Variants in GNG13 observed in about 807,000 individuals in gnomAD.
The protein encoded by GNG13 is guanine nucleotide-binding protein G(I)/G(S)/G(O) subunit gamma-13.
A neutral mutation model predicts 8.2 loss-of-function variants in GNG13; 12 were observed. The ratio of observed to expected loss-of-function variants is 1.47; its 90% CI spans 0.94 to 2.38. GNG13 has a LOEUF of 2.38. Among genes scored for constraint, GNG13 ranks in the 30% most tolerant of loss-of-function variants. The pLI is 0.00. For missense variants in GNG13, 100 were observed against 85.2 expected (o/e 1.17, Z -0.68); for synonymous variants, 45 against 33.0 (o/e 1.37, Z -1.25).
chr16:800,142 G>A (rs1009266614), intron 1 of GNG13, among the ~76,000 whole-genome samples: 5 of 152,138 alleles, frequency 3.3e-5, no homozygotes, highest in Non-Finnish European at 7.4e-5. Context: ...AGGCCGGGGA[G>A]CGAGCGGGGG....
Position 798,934 on chromosome 16 carries a change from G to A in GNG13, c.98+46C>T, listed in dbSNP as rs545174805. The A allele has an allele frequency of 1.5e-5, 21 of 1,378,228 alleles. No individual in the cohort carries two copies. In the East Asian group the frequency reaches 1.8e-4, roughly 12 times the overall value. 85.4% of individuals were successfully genotyped at this position (1,378,228 alleles called of 1,614,324 possible). On this transcript the variant is annotated intron_variant, in intron 2 of 2. Transcript: ENST00000248150. ...GTGGCTATGGAAATGAGCAGCCAGC[G>A]CAGGGCAGACAAATGAGAGGCAAAT...
In GNG13 at chr16:798,083, G is replaced by A. The variant is rs943080506; in HGVS notation, c.*636C>T. 2.2e-5 allele frequency: 31 copies of A among 1,420,022 alleles called. No homozygotes were observed. In the East Asian group the frequency reaches 3.5e-4, roughly 16 times the overall value. The allele number at this position is 1,420,022 out of a possible 1,614,324, so 88.0% of individuals were successfully genotyped here. ...ACCTTTACAGACTGTAATCACGTGC[G>A]AGTGGAGTGGGGTTCACAGGATGGT... On this transcript the variant is annotated 3_prime_UTR_variant, in exon 3 of 3. Transcript: ENST00000248150.
chr16:798,399 GA>G lies in GNG13; in HGVS notation c.*319del. The G allele has an allele frequency of 6.5e-6, 3 of 463,160 alleles. No individual in the cohort carries two copies. The highest frequency in any genetic ancestry group is 4.0e-5 in the South Asian group (2 of 50,550). The allele number at this position is 463,160 out of a possible 1,614,324, so 28.7% of individuals were successfully genotyped here. ...CACAGGATGGTGGGAGTGGGGCTGG[GA>G]GTGGGGCTCACAGGATGGTGGGAGT... On this transcript the variant is annotated 3_prime_UTR_variant, in exon 3 of 3. Transcript: ENST00000248150.
In GNG13 at chr16:798,069, C is replaced by T. The variant is rs1312519504; in HGVS notation, c.*650G>A. On this transcript the variant is annotated 3_prime_UTR_variant, in exon 3 of 3. Transcript: ENST00000248150. ...CTTTATAAAGTCACACCTTTACAGACTGTAATCACGTGCGAGTGGAGTGGG... is the reference window on the plus strand; with the variant it reads ...CTTTATAAAGTCACACCTTTACAGATTGTAATCACGTGCGAGTGGAGTGGG... 5.4e-6 allele frequency: 8 copies of T among 1,480,634 alleles called. No individual in the cohort carries two copies. Among genetic ancestry groups the T allele is most frequent in the Admixed American group, 1.9e-5 (1 of 51,322 alleles). 91.7% of individuals were successfully genotyped at this position (1,480,634 alleles called of 1,614,324 possible). A position where few individuals can be genotyped will look rare whatever the true frequency, so the allele number is the denominator to read the frequency against.
Position 800,239 on chromosome 16 carries a change from C to T in GNG13, c.-35+427G>A, listed in dbSNP as rs1249580573. Among the ~76,000 whole-genome samples the T allele has an allele frequency of 2.6e-5, 4 of 152,300 alleles. No individual in the cohort carries two copies. The East Asian group carries it at 7.7e-4, about 29-fold the overall frequency. On this transcript the variant is annotated intron_variant, in intron 1 of 2. Transcript: ENST00000248150. Reference sequence around the variant, plus strand: ...CCAGCACCCCTACCCGCCCCCATCCCCGGTGCAGGCCTTTTCTCGGAGACC... The same window carrying T: ...CCAGCACCCCTACCCGCCCCCATCCTCGGTGCAGGCCTTTTCTCGGAGACC...
chr16:798,505 CAT>C lies in GNG13; in HGVS notation c.*212_*213del. 9.5e-6 allele frequency: 6 copies of C among 629,012 alleles called. No homozygotes were observed. In the South Asian group the frequency reaches 9.9e-5, roughly 10 times the overall value. The allele number at this position is 629,012 out of a possible 1,614,324, so 39.0% of individuals were successfully genotyped here. A position where few individuals can be genotyped will look rare whatever the true frequency, so the allele number is the denominator to read the frequency against. On this transcript the variant is annotated 3_prime_UTR_variant, in exon 3 of 3. Transcript: ENST00000248150. ...ACAGGATGGAGTGAATGGGGCTGGG[CAT>C]AGTCTTACAAGATGGAGTGAGTGGG...
Position 798,489 on chromosome 16 carries a change from A to G in GNG13, c.*230T>C. ...GCTGGGAGTGGGACTCACAGGATGG[A>G]GTGAATGGGGCTGGGCATAGTCTTA... On this transcript the variant is annotated 3_prime_UTR_variant, in exon 3 of 3. Coordinates refer to ENST00000248150, the MANE Select transcript of GNG13 (RefSeq NM_016541.3). The G allele has an allele frequency of 1.9e-6, 1 of 526,706 alleles. No homozygotes were observed. The allele number at this position is 526,706 out of a possible 1,614,324, so 32.6% of individuals were successfully genotyped here. A position where few individuals can be genotyped will look rare whatever the true frequency, so the allele number is the denominator to read the frequency against.
At chr16:799,244 C>A in intron 1 of GNG13, 133 bp from the exon 2 acceptor site, 6 of 609,408 alleles carry the variant, frequency 9.8e-6, no homozygotes, top group South Asian at 5.7e-5. Flanking sequence ...CTGGGCCAGT[C>A]CCCTAGGCGT....
intron 1 of GNG13, among the ~76,000 whole-genome samples, chr16:800,046 C>T (rs2042433474): frequency 6.6e-6 from 1 of 151,840 alleles, no homozygotes; most frequent in Non-Finnish European, 1.5e-5. Context: ...TAGGGAGGGG[C>T]CCAGGGCCTG....
chr16:799,212 C>A, intron 1 of GNG13, 101 bp from the exon 2 acceptor site: 1 of 654,238 alleles, frequency 1.5e-6, no homozygotes, highest in East Asian at 2.7e-5. Flanking sequence ...CAGGATGAAG[C>A]GGGGAGAGTC....
intron 1 of GNG13, 125 bp from the exon 2 acceptor site, chr16:799,236 G>A: frequency 1.6e-6 from 1 of 618,238 alleles, no homozygotes; most frequent in Non-Finnish European, 2.9e-6. Flanking sequence ...ACCACTGCCT[G>A]GGCCAGTCCC....
At chr16:799,662 G>A (rs1015203066) in intron 1 of GNG13, among the ~76,000 whole-genome samples, 3 of 152,144 alleles carry the variant, frequency 2.0e-5, no homozygotes, top group Non-Finnish European at 2.9e-5. Flanking sequence ...TATACTACCC[G>A]AGTCTGGGAT....
At position 798,210 on chromosome 16, in the gene GNG13, G is replaced by C; in HGVS notation, c.*509C>G. On this transcript the variant is annotated 3_prime_UTR_variant, in exon 3 of 3. Coordinates refer to ENST00000248150, the MANE Select transcript of GNG13 (RefSeq NM_016541.3). ...GGGCCAGGCGTGGTCTCACAGGATA[G>C]AGTGAGTGGGGCCGGGCGTGGTCTC... is the stretch of plus-strand genomic sequence containing the variant. The C allele has an allele frequency of 1.5e-6, 1 of 646,194 alleles. No homozygotes were observed. 40.0% of individuals were successfully genotyped at this position (646,194 alleles called of 1,614,324 possible).
chr16:798,967 G>A lies in GNG13; in HGVS notation c.98+13C>T. 6.5e-7 allele frequency: 1 copy of A among 1,534,126 alleles called. No individual in the cohort carries two copies. Among genetic ancestry groups the A allele is most frequent in the Non-Finnish European group, 9.0e-7 (1 of 1,107,376 alleles). ...GACAAATGAGAGGCAAATCAGGCAG[G>A]TGGGGCACTCACTCGGGGATGGTCT... On this transcript the variant is annotated intron_variant, in intron 2 of 2. Transcript: ENST00000248150.
chr16:800,185 G>T (rs531862060), intron 1 of GNG13, among the ~76,000 whole-genome samples: 11 of 152,272 alleles, frequency 7.2e-5, no homozygotes, highest in African/African-American at 2.6e-4. Context: ...GGGTCATGCA[G>T]AGGATTCCCT....
In GNG13 at chr16:798,549, A is replaced by T. The variant is rs2042418537; in HGVS notation, c.*170T>A. ...GTGAGTGGGGCCGGGAGTGGGGCTC[A>T]CAGGTTGGTGTGAGTGGGGCCGGGC... On this transcript the variant is annotated 3_prime_UTR_variant, in exon 3 of 3. Transcript: ENST00000248150. 6 of 701,284 alleles carry T rather than the reference A, an allele frequency of 8.6e-6. No homozygotes were observed. The East Asian group carries it at 1.6e-4, about 18-fold the overall frequency. 43.4% of individuals were successfully genotyped at this position (701,284 alleles called of 1,614,324 possible). A position where few individuals can be genotyped will look rare whatever the true frequency, so the allele number is the denominator to read the frequency against.
rs1180472947 is a variant in GNG13 at position 798,710 on chromosome 16, G to T, written c.*9C>A. ...CACAGGATGGTGTGAGAGGGGCCGG[G>T]TGCGGGGCTCACAGGATGGTGCATT... On this transcript the variant is annotated 3_prime_UTR_variant, in exon 3 of 3. Transcript: ENST00000248150. 5 of 1,549,238 alleles carry T rather than the reference G, an allele frequency of 3.2e-6. No homozygotes were observed. Among genetic ancestry groups the T allele is most frequent in the Non-Finnish European group, 4.5e-6 (5 of 1,121,864 alleles).
chr16:799,158 AG>A (rs1289151624), intron 1 of GNG13, 47 bp from the exon 2 acceptor site: 1 of 796,416 alleles, frequency 1.3e-6, no homozygotes, highest in African/African-American at 1.7e-5. Context: ...ACCAGCCTGT[AG>A]TCCCCACCCC....
rs150759171 is a variant in GNG13 at position 800,439 on chromosome 16, G to T, written c.-35+227C>A. Among the ~76,000 whole-genome samples the T allele has an allele frequency of 2.3e-4, 35 of 152,304 alleles. 3 individuals carry two copies. The highest frequency in any genetic ancestry group is 8.2e-4 in the African/African-American group (34 of 41,568). On this transcript the variant is annotated intron_variant, in intron 1 of 2. Coordinates refer to ENST00000248150, the MANE Select transcript of GNG13 (RefSeq NM_016541.3). ...GTGGACGCCCCCAGCCACGGGACTC[G>T]GTGGGCACTGCAGGCGGCGCACGGC...
Sources: gnomAD v4.1 joint callset for allele counts (sites outside exome capture counted in the v4.1 genomes callset) on GRCh38, gnomAD v4.1.1 for gene constraint, MANE v1.5 for transcripts, NCBI Gene and HGNC (gene_info 2026-07-23, HGNC 2026-07-21) for gene names.